The following IQSEC1 variants were observed in gnomAD, a reference collection of about 807,000 sequenced individuals.
IQSEC1 encodes IQ motif and SEC7 domain-containing protein 1.
IQSEC1 carries 31 observed loss-of-function variants against 91.0 expected under a neutral mutation model. That is an observed-to-expected ratio of 0.34 (90% CI 0.26 to 0.46). IQSEC1 has a LOEUF of 0.46. Ranked by LOEUF, IQSEC1 falls within the 20% of genes least tolerant of loss-of-function variation. The probability of loss-of-function intolerance (pLI) is 1.00; values close to 1 mark genes in which losing one functional copy is unlikely to be tolerated. For missense variants in IQSEC1, 1,388 were observed against 1,575.6 expected (o/e 0.88, Z 2.02); for synonymous variants, 699 against 662.6 (o/e 1.05, Z -0.84).
intron 6 of IQSEC1, among the ~76,000 whole-genome samples, chr3:12,916,834 A>G (rs1490445530): frequency 6.6e-6 from 1 of 152,240 alleles, no homozygotes; most frequent in Non-Finnish European, 1.5e-5. Context: ...AACAGTGAAG[A>G]AGGCCACAGT....
chr3:12,973,295 T>C (rs1700995633), intron 1 of IQSEC1, among the ~76,000 whole-genome samples: 1 of 152,184 alleles, frequency 6.6e-6, no homozygotes, highest in Non-Finnish European at 1.5e-5. Flanking sequence ...CCCAGTGCCT[T>C]TGCTTATCCT....
In IQSEC1 at chr3:12,899,745, C is replaced by T. The variant is rs949683345; in HGVS notation, c.*1238G>A. The T allele has an allele frequency of 3.9e-5, 38 of 985,298 alleles. No individual in the cohort carries two copies. The highest frequency in any genetic ancestry group is 4.1e-5 in the Non-Finnish European group (34 of 829,930). 61.0% of individuals were successfully genotyped at this position (985,298 alleles called of 1,614,324 possible). A position where few individuals can be genotyped will look rare whatever the true frequency, so the allele number is the denominator to read the frequency against. On this transcript the variant is annotated 3_prime_UTR_variant, in exon 14 of 14. Coordinates refer to ENST00000613206, the MANE Select transcript of IQSEC1 (RefSeq NM_001134382.3). ...ACACACACCGCCCTGGGTTGCTAAA[C>T]GCTAAAGTCAACCTTCAGGTTCGAG...
At chr3:13,238,122 C>G (rs1355119767) in intron 1 of IQSEC1, among the ~76,000 whole-genome samples, 1 of 152,224 alleles carries the variant, frequency 6.6e-6, no homozygotes, top group Non-Finnish European at 1.5e-5. Context: ...GTGCCCCAAC[C>G]AACTAGCTGG....
rs192983605 is a variant in IQSEC1 at position 13,199,107 on chromosome 3, C to T, written c.273-34974G>A. Among the ~76,000 whole-genome samples the T allele has an allele frequency of 3.8e-3, 576 of 152,112 alleles. 2 individuals are homozygous for T. Among genetic ancestry groups the T allele is most frequent in the African/African-American group, 0.013 (545 of 41,470 alleles). On this transcript the variant is annotated intron_variant, in intron 1 of 15. Transcript: ENST00000648114. Reference sequence around the variant, plus strand: ...ATGGCACGGCGGGGGTGCGAGGGGACGGGGGAGCTGGTGGGGCAGGCGACA... The same window carrying T: ...ATGGCACGGCGGGGGTGCGAGGGGATGGGGGAGCTGGTGGGGCAGGCGACA...
At chr3:12,988,949 A>T (rs1035172173) in intron 1 of IQSEC1, among the ~76,000 whole-genome samples, 25 of 152,234 alleles carry the variant, frequency 1.6e-4, no homozygotes, top group African/African-American at 6.0e-4. Context: ...AGAACTGAGG[A>T]TCAGAGACAG....
chr3:12,970,661 C>T lies in IQSEC1; in HGVS notation c.24-28796G>A, dbSNP rs1165469542. 6.6e-6 allele frequency among the ~76,000 whole-genome samples: 1 copy of T among 152,182 alleles called. No individual in the cohort carries two copies. The highest frequency in any genetic ancestry group is 6.5e-5 in the Admixed American group (1 of 15,284). ...GCCCACTCTATGCCTGCCACACCTC[C>T]AGCAACACTAAGCTTCTTTCAGTTC... On this transcript the variant is annotated intron_variant, in intron 1 of 13. Transcript: ENST00000613206. This position sits in a 1 kb window ranked among gnomAD's most constrained non-coding sequence, Gnocchi z 4.4.
intron 1 of IQSEC1, among the ~76,000 whole-genome samples, chr3:13,007,012 T>G (rs894617618): frequency 1.1e-4 from 16 of 152,196 alleles, no homozygotes; most frequent in African/African-American, 3.6e-4. Context: ...GGAAACAGAT[T>G]CAGGAGCAGG....
chr3:13,104,170 A>G (rs754625065), intron 2 of IQSEC1, among the ~76,000 whole-genome samples: 69 of 152,220 alleles, frequency 4.5e-4, no homozygotes, highest in Non-Finnish European at 6.9e-4. Flanking sequence ...TGCCTGGTGT[A>G]ACTTCTGTCA....
chr3:13,242,983 G>T (rs12493865), intron 1 of IQSEC1, among the ~76,000 whole-genome samples: 16,530 of 152,160 alleles, frequency 0.11, 981 homozygotes, highest in African/African-American at 0.15. Flanking sequence ...TAGTGAGGGG[G>T]TTGATTGGAG....
At chr3:13,096,862 TTC>T (rs1196370273) in intron 2 of IQSEC1, among the ~76,000 whole-genome samples, 5 of 99,146 alleles carry the variant, frequency 5.0e-5, no homozygotes, top group South Asian at 3.4e-4. Flanking sequence ...CTTTCTTTCT[TTC>T]TTTTTTTTTT....
intron 1 of IQSEC1, among the ~76,000 whole-genome samples, chr3:13,042,891 G>A (rs904459850): frequency 3.3e-5 from 5 of 152,202 alleles, no homozygotes; most frequent in Admixed American, 6.5e-5. Context: ...GGGGCCAGAT[G>A]ACAGGCAAAC....
Position 12,899,199 on chromosome 3 carries a change from G to A in IQSEC1, c.*1784C>T, listed in dbSNP as rs556814259. 1.9e-4 allele frequency: 119 copies of A among 620,736 alleles called. No individual in the cohort carries two copies. Among genetic ancestry groups the A allele is most frequent in the Middle Eastern group, 8.9e-4 (2 of 2,256 alleles). The allele number at this position is 620,736 out of a possible 1,614,324, so 38.5% of individuals were successfully genotyped here. On this transcript the variant is annotated 3_prime_UTR_variant, in exon 14 of 14. Transcript: ENST00000613206. ...GAGGAGGGAAATCGGCAAAACCCTG[G>A]CCAGCCAGCCAGCCAAGGTGACACA...
chr3:13,091,601 C>T lies in IQSEC1; in HGVS notation c.303-44079G>A, dbSNP rs149668833. ...AGCAGGGGCTGGGGTGTGAAAGGAC[C>T]CAGAAGCCCAGGTGGGACGGGCCCA... On this transcript the variant is annotated intron_variant, in intron 2 of 15. Transcript: ENST00000648114. 2.4e-3 allele frequency among the ~76,000 whole-genome samples: 363 copies of T among 152,288 alleles called. 5 individuals carry two copies. Among genetic ancestry groups the T allele is most frequent in the African/African-American group, 8.3e-3 (345 of 41,548 alleles).
chr3:12,937,651 T>C (rs1480126412), intron 2 of IQSEC1, among the ~76,000 whole-genome samples: 1 of 152,196 alleles, frequency 6.6e-6, no homozygotes, highest in Non-Finnish European at 1.5e-5. Context: ...GGGACCTGCC[T>C]CCTATGACTG....
At position 12,967,551 on chromosome 3, in the gene IQSEC1, C is replaced by T. The variant is rs1296470573; in HGVS notation, c.24-25686G>A. 3.7e-6 allele frequency: 5 copies of T among 1,361,966 alleles called. No homozygotes were observed. The highest frequency in any genetic ancestry group is 4.7e-6 in the Non-Finnish European group (5 of 1,066,456). The allele number at this position is 1,361,966 out of a possible 1,614,324, so 84.4% of individuals were successfully genotyped here. On this transcript the variant is annotated intron_variant, in intron 1 of 13. Transcript: ENST00000613206. This position sits in a 1 kb window ranked among gnomAD's most constrained non-coding sequence, Gnocchi z 5.9. ...GAGCCGCCGGATCCCGGGGCCGACA[C>T]CCGGCCACCCGGAGACCCGACCACC...
At chr3:13,176,745 G>A (rs556879746) in intron 1 of IQSEC1, among the ~76,000 whole-genome samples, 6 of 152,336 alleles carry the variant, frequency 3.9e-5, no homozygotes, top group East Asian at 1.9e-4. Context: ...GGGAACAGGC[G>A]AGGTCCGTGC....
In IQSEC1 at chr3:13,140,836, GA is replaced by G. The variant is rs1274927172; in HGVS notation, c.302+23267del. ...CCTCCCCTGGGTCTGGACTTAGGCTGACAGAGCAGGCTCTACTGGACCTCTG... is the reference window on the plus strand; with the variant it reads ...CCTCCCCTGGGTCTGGACTTAGGCTGCAGAGCAGGCTCTACTGGACCTCTG... On this transcript the variant is annotated intron_variant, in intron 2 of 15. Coordinates refer to the IQSEC1 transcript ENST00000648114. Among the ~76,000 whole-genome samples the G allele has an allele frequency of 9.2e-5, 14 of 152,300 alleles. No individual in the cohort carries two copies. The East Asian group carries it at 2.5e-3, about 27-fold the overall frequency.
intron 2 of IQSEC1, among the ~76,000 whole-genome samples, chr3:13,116,555 T>A (rs1044136012): frequency 2.0e-5 from 3 of 152,120 alleles, no homozygotes; most frequent in African/African-American, 7.2e-5. Flanking sequence ...CACATCCACA[T>A]GCAAAAGATG....
chr3:13,046,023 G>C (rs140395313), intron 1 of IQSEC1, among the ~76,000 whole-genome samples: 1 of 152,338 alleles, frequency 6.6e-6, no homozygotes, highest in Non-Finnish European at 1.5e-5. Context: ...ACGTGTGTGC[G>C]TGTGAGATTA....
Sources: gnomAD v4.1 joint callset for allele counts (sites outside exome capture counted in the v4.1 genomes callset) on GRCh38, gnomAD v4.1.1 for gene constraint, Gnocchi (gnomAD v3.1) non-coding constraint, MANE v1.5 for transcripts, NCBI Gene and HGNC (gene_info 2026-07-23, HGNC 2026-07-21) for gene names.